NAA11: variants seen among roughly 807,000 people sequenced by gnomAD.
NAA11 encodes the protein N-alpha-acetyltransferase 11, NatA catalytic subunit.
Under a neutral mutation model 16.1 loss-of-function variants are expected in NAA11, and 15 were observed. The observed-to-expected ratio is 0.93, with a 90% CI of 0.62 to 1.44. The LOEUF is 1.44. Among genes scored for constraint, NAA11 ranks in the 40% most tolerant of loss-of-function variants. NAA11 has a pLI of 0.00. For missense variants in NAA11, 298 were observed against 291.3 expected, an observed-to-expected ratio of 1.02 and a Z score of -0.17; for synonymous variants, 122 against 112.4, an observed-to-expected ratio of 1.09 and a Z score of -0.54.
the NAA11 span, among the ~76,000 whole-genome samples, chr4:79,187,931 G>A: frequency 4.0e-5 from 6 of 149,866 alleles, no homozygotes; most frequent in Non-Finnish European, 7.4e-5. Flanking sequence ...CCCGGGAGGC[G>A]GAGCTTGCAG....
the NAA11 span, among the ~76,000 whole-genome samples, chr4:79,196,660 G>T: frequency 6.6e-6 from 1 of 151,888 alleles, no homozygotes; most frequent in African/African-American, 2.4e-5. Context: ...CCCCTCTTCA[G>T]ATGTCCATAT....
chr4:79,301,487 A>T (rs375384507), intron 1 of NAA11, among the ~76,000 whole-genome samples: 1 of 152,196 alleles, frequency 6.6e-6, no homozygotes, highest in African/African-American at 2.4e-5. Context: ...ATAATATGTC[A>T]ATTCCTGTTT....
chr4:79,276,454 G>C (rs918279585), intron 2 of NAA11, among the ~76,000 whole-genome samples: 3 of 152,156 alleles, frequency 2.0e-5, no homozygotes, highest in Non-Finnish European at 4.4e-5. Flanking sequence ...GTCAGCCCGT[G>C]AGGGCCATCC....
chr4:79,297,063 C>G (rs1474181710), intron 1 of NAA11, among the ~76,000 whole-genome samples: 1 of 152,176 alleles, frequency 6.6e-6, no homozygotes, highest in Non-Finnish European at 1.5e-5. Context: ...TGCTCCCACC[C>G]TCCTGAGGCC....
chr4:79,249,356 G>A (rs1397419441), intron 2 of NAA11, among the ~76,000 whole-genome samples: 3 of 152,220 alleles, frequency 2.0e-5, no homozygotes, highest in Non-Finnish European at 4.4e-5. Flanking sequence ...CTAATCCAAG[G>A]AATCTAAGGA....
chr4:79,280,346 G>A (rs1057346900), intron 2 of NAA11, among the ~76,000 whole-genome samples: 6 of 152,004 alleles, frequency 3.9e-5, no homozygotes, highest in African/African-American at 9.7e-5. Flanking sequence ...CATGCAGCCC[G>A]GTCCAGGTTA....
chr4:79,277,157 C>T (rs913733613), intron 2 of NAA11, among the ~76,000 whole-genome samples: 1 of 152,132 alleles, frequency 6.6e-6, no homozygotes, highest in Non-Finnish European at 1.5e-5. Flanking sequence ...ACTGCTCTAT[C>T]CAATGAGTTA....
the NAA11 span, among the ~76,000 whole-genome samples, chr4:79,155,532 G>A: frequency 1.3e-5 from 2 of 152,162 alleles, no homozygotes; most frequent in Non-Finnish European, 2.9e-5. Context: ...AAGGGAGAGC[G>A]TGGATAATCT....
the NAA11 span, among the ~76,000 whole-genome samples, chr4:79,188,731 A>T: frequency 6.6e-5 from 10 of 152,206 alleles, no homozygotes; most frequent in African/African-American, 2.4e-4. Flanking sequence ...GTTTTATTTT[A>T]CATAGTAGAT....
chr4:79,183,774 G>A, the NAA11 span, among the ~76,000 whole-genome samples: 3 of 151,906 alleles, frequency 2.0e-5, no homozygotes, highest in Non-Finnish European at 2.9e-5. Flanking sequence ...AGGAAAATAC[G>A]ATCTATTTTA....
At chr4:79,256,264 C>T (rs1722104889) in intron 2 of NAA11, among the ~76,000 whole-genome samples, 1 of 151,928 alleles carries the variant, frequency 6.6e-6, no homozygotes, top group Admixed American at 6.6e-5. Context: ...CTTTCTTATA[C>T]TATTTATTTC....
At chr4:79,285,630 A>G (rs1170587313) in intron 2 of NAA11, among the ~76,000 whole-genome samples, 1 of 151,242 alleles carries the variant, frequency 6.6e-6, no homozygotes, top group African/African-American at 2.5e-5. Context: ...ATAATTTAAA[A>G]CTAACTAAAA....
chr4:79,276,427 A>G (rs1722646447), intron 2 of NAA11, among the ~76,000 whole-genome samples: 1 of 152,122 alleles, frequency 6.6e-6, no homozygotes, highest in Non-Finnish European at 1.5e-5. Flanking sequence ...TATATCCCGA[A>G]GTTCGCCACC....
chr4:79,229,248 G>A (rs1721401809), intron 2 of NAA11, among the ~76,000 whole-genome samples: 1 of 151,668 alleles, frequency 6.6e-6, no homozygotes, highest in Admixed American at 6.6e-5. Flanking sequence ...TATAGCAGGA[G>A]ATATGAGTTG....
the NAA11 span, among the ~76,000 whole-genome samples, chr4:79,193,358 G>C: frequency 1.3e-5 from 2 of 152,084 alleles, no homozygotes; most frequent in African/African-American, 4.8e-5. Flanking sequence ...ATGGTTTTAG[G>C]TCTAACATGT....
chr4:79,183,246 C>T, the NAA11 span, among the ~76,000 whole-genome samples: 4 of 152,050 alleles, frequency 2.6e-5, no homozygotes, highest in Admixed American at 1.3e-4. Flanking sequence ...TCTTCTTACA[C>T]GTTGTGTCAC....
chr4:79,249,629 A>C (rs28856392), intron 2 of NAA11, among the ~76,000 whole-genome samples: 106 of 152,364 alleles, frequency 7.0e-4, no homozygotes, highest in Non-Finnish European at 1.4e-3. Flanking sequence ...AAAATGCCAA[A>C]AGAGAGGCCT....
At chr4:79,242,298 C>G (rs531556926) in intron 2 of NAA11, among the ~76,000 whole-genome samples, 1 of 152,312 alleles carries the variant, frequency 6.6e-6, no homozygotes, top group East Asian at 1.9e-4. Flanking sequence ...AGTTCCCTGC[C>G]TACCAGTTTC....
intron 2 of NAA11, among the ~76,000 whole-genome samples, chr4:79,242,467 A>G (rs1375556696): frequency 6.6e-6 from 1 of 152,238 alleles, no homozygotes; most frequent in Non-Finnish European, 1.5e-5. Flanking sequence ...CTTCTCTGCC[A>G]CCCAAAGGGT....
Sources: allele counts gnomAD v4.1 joint callset (sites outside exome capture counted in the v4.1 genomes callset), GRCh38; gene constraint gnomAD v4.1.1; transcripts MANE v1.5; gene names NCBI Gene and HGNC (gene_info 2026-07-23, HGNC 2026-07-21).